KHDRBS2: variants seen among roughly 807,000 people sequenced by gnomAD.
The protein encoded by KHDRBS2 is KH domain-containing, RNA-binding, signal transduction-associated protein 2.
In KHDRBS2, 26 loss-of-function variants were observed where a neutral mutation model predicts 44.3. The observed-to-expected ratio is 0.59, with a 90% CI of 0.43 to 0.81. KHDRBS2 has a LOEUF of 0.81. Ranked by LOEUF, KHDRBS2 falls within the 40% of genes least tolerant of loss-of-function variation. KHDRBS2 has a pLI of 0.00. For synonymous variants in KHDRBS2, 194 were observed against 151.1 expected (o/e 1.28, Z -2.08); for missense variants, 476 against 433.1 (o/e 1.10, Z -0.88).
intron 2 of KHDRBS2, among the ~76,000 whole-genome samples, chr6:62,101,558 A>C (rs770581519): frequency 2.7e-4 from 41 of 152,202 alleles, no homozygotes; most frequent in Non-Finnish European, 5.3e-4. Context: ...AGGCTCAGAC[A>C]AGAGTGTCAG....
rs1379142860 is a variant in KHDRBS2, at chr6:61,853,962, C to A, written c.810+40673G>T. Among the ~76,000 whole-genome samples, 4 of 152,284 alleles carry A rather than the reference C, an allele frequency of 2.6e-5. No homozygotes were observed. In the East Asian group the frequency reaches 7.7e-4, roughly 29 times the overall value. On this transcript the variant is annotated intron_variant, in intron 6 of 8. Coordinates refer to ENST00000281156, the MANE Select transcript of KHDRBS2 (RefSeq NM_152688.4). ...CTGCCACAGAATATTTTACATTGGC[C>A]AGACCTTGGTCACATGTCTCTATTT...
chr6:62,090,173 G>A (rs1799230699), intron 2 of KHDRBS2, among the ~76,000 whole-genome samples: 1 of 152,154 alleles, frequency 6.6e-6, no homozygotes, highest in South Asian at 2.1e-4. Flanking sequence ...AAAATAATCT[G>A]AGGCTTGAGT....
intron 6 of KHDRBS2, among the ~76,000 whole-genome samples, chr6:61,848,516 T>TAC (rs1562294378): frequency 4.1e-5 from 2 of 48,212 alleles, no homozygotes; most frequent in African/African-American, 9.3e-5. Context: ...TATATGTATA[T>TAC]ATGTATATAT....
rs552533404 is a variant in KHDRBS2, at chr6:61,919,877, A to C, written c.484-18506T>G. On this transcript the variant is annotated intron_variant, in intron 4 of 8. Coordinates refer to ENST00000281156, the MANE Select transcript of KHDRBS2 (RefSeq NM_152688.4). ...TTCTACACATGGTACTCTTAACACT[A>C]AATGTTTCAAAGGCACATGGGGTAA... Among the ~76,000 whole-genome samples, 57 of 151,392 alleles carry C rather than the reference A, an allele frequency of 3.8e-4. No individual in the cohort carries two copies. The East Asian group carries it at 9.2e-3, about 24-fold the overall frequency.
At chr6:61,974,260 T>C (rs554626287) in intron 4 of KHDRBS2, among the ~76,000 whole-genome samples, 1 of 152,240 alleles carries the variant, frequency 6.6e-6, no homozygotes, top group Non-Finnish European at 1.5e-5. Flanking sequence ...ATTCACAAAC[T>C]ATGGTGTAAA....
chr6:61,930,710 A>G (rs370037576), intron 4 of KHDRBS2, among the ~76,000 whole-genome samples: 7 of 145,234 alleles, frequency 4.8e-5, no homozygotes, highest in Admixed American at 1.4e-4. Flanking sequence ...AAAAAAGAAA[A>G]AGAAAGAAAG....
At chr6:61,714,399 G>T (rs773159800) in intron 7 of KHDRBS2, among the ~76,000 whole-genome samples, 3 of 151,878 alleles carry the variant, frequency 2.0e-5, no homozygotes, top group Non-Finnish European at 4.4e-5. Flanking sequence ...GCAGATGTTG[G>T]CAAGGATGTG....
chr6:61,790,036 T>A (rs1183903491), intron 6 of KHDRBS2, among the ~76,000 whole-genome samples: 3 of 151,388 alleles, frequency 2.0e-5, no homozygotes, highest in Non-Finnish European at 4.4e-5. Context: ...TTGGTTTGGG[T>A]GCTAGTGAAT....
intron 4 of KHDRBS2, among the ~76,000 whole-genome samples, chr6:61,959,397 C>A (rs1768141319): frequency 6.6e-6 from 1 of 151,484 alleles, no homozygotes. Context: ...TGATCCACCA[C>A]ACACTGCCAA....
intron 2 of KHDRBS2, among the ~76,000 whole-genome samples, chr6:62,122,551 T>C (rs1337561340): frequency 6.6e-6 from 1 of 152,174 alleles, no homozygotes; most frequent in Non-Finnish European, 1.5e-5. Context: ...GTGGTTCAAA[T>C]GCCCATGGTC....
intron 6 of KHDRBS2, among the ~76,000 whole-genome samples, chr6:61,847,398 G>C (rs1400535019): frequency 6.6e-6 from 1 of 152,110 alleles, no homozygotes; most frequent in African/African-American, 2.4e-5. Context: ...GCTAACTTTG[G>C]TGGGCATTTC....
intron 2 of KHDRBS2, among the ~76,000 whole-genome samples, chr6:62,114,634 T>TG (rs1805781656): frequency 1.3e-5 from 2 of 152,164 alleles, no homozygotes; most frequent in Non-Finnish European, 2.9e-5. Context: ...AAAAATATCT[T>TG]ACATTCAATA....
At chr6:61,703,387 TA>T (rs1256270078) in intron 7 of KHDRBS2, among the ~76,000 whole-genome samples, 5 of 151,848 alleles carry the variant, frequency 3.3e-5, no homozygotes, top group Non-Finnish European at 7.4e-5. Context: ...TAACTTATGT[TA>T]AAAATATTAT....
intron 1 of KHDRBS2, among the ~76,000 whole-genome samples, chr6:62,274,261 C>T (rs964442980): frequency 2.0e-5 from 3 of 152,168 alleles, no homozygotes; most frequent in African/African-American, 4.8e-5. Flanking sequence ...ACTTCTCTCT[C>T]GAACTGTTGC....
At chr6:61,904,866 T>A (rs1804673891) in intron 4 of KHDRBS2, among the ~76,000 whole-genome samples, 1 of 152,176 alleles carries the variant, frequency 6.6e-6, no homozygotes, top group African/African-American at 2.4e-5. Context: ...CATTATTACA[T>A]CTGCTTCTTG....
chr6:61,974,846 G>A (rs1246773986), intron 4 of KHDRBS2, among the ~76,000 whole-genome samples: 38 of 151,870 alleles, frequency 2.5e-4, no homozygotes, highest in Non-Finnish European at 7.4e-5. Flanking sequence ...CAGGAGAATC[G>A]CTTGAACCCA....
chr6:61,552,730 G>C, the KHDRBS2 span, among the ~76,000 whole-genome samples: 24 of 152,180 alleles, frequency 1.6e-4, no homozygotes, highest in East Asian at 4.6e-3. Flanking sequence ...TTTATCAAAA[G>C]CCTTTTCTGC....
At chr6:61,919,866 C>T (rs746861370) in intron 4 of KHDRBS2, among the ~76,000 whole-genome samples, 1 of 151,870 alleles carries the variant, frequency 6.6e-6, no homozygotes, top group Non-Finnish European at 1.5e-5. Context: ...ACACATGGTA[C>T]TCTTAACACT....
chr6:62,032,972 C>A (rs1784621807), intron 3 of KHDRBS2, among the ~76,000 whole-genome samples: 1 of 151,690 alleles, frequency 6.6e-6, no homozygotes, highest in South Asian at 2.1e-4. Context: ...CAAGATAACA[C>A]AGAAAAGGAA....
Sources: allele counts gnomAD v4.1 joint callset (sites outside exome capture counted in the v4.1 genomes callset), GRCh38; gene constraint gnomAD v4.1.1; transcripts MANE v1.5; gene names NCBI Gene and HGNC (gene_info 2026-07-23, HGNC 2026-07-21).